EMSY: variants seen among roughly 807,000 people sequenced by gnomAD.
EMSY encodes BRCA2-interacting transcriptional repressor EMSY.
A neutral mutation model predicts 134.6 loss-of-function variants in EMSY; 26 were observed. The observed-to-expected ratio is 0.19, with a 90% CI of 0.14 to 0.27. The LOEUF (loss-of-function observed/expected upper bound fraction) is 0.27. Ranked by LOEUF, EMSY falls within the 10% of genes least tolerant of loss-of-function variation. The probability of loss-of-function intolerance (pLI) is 1.00; values close to 1 mark genes in which losing one functional copy is unlikely to be tolerated. For missense variants in EMSY, 1,305 were observed against 1,611.4 expected (o/e 0.81, Z 3.26); for synonymous variants, 579 against 577.8 (o/e 1.00, Z -0.03).
At chr11:76,463,755 A>G (rs1056557536) in intron 6 of EMSY, 66 bp from the exon 8 acceptor site, 9 of 1,530,814 alleles carry the variant, frequency 5.9e-6, no homozygotes, top group Non-Finnish European at 8.0e-6. Context: ...TAAAGATTTT[A>G]AAAATAAAGT....
chr11:76,481,331 C>G (rs900183688), intron 8 of EMSY, among the ~76,000 whole-genome samples: 1 of 152,178 alleles, frequency 6.6e-6, no homozygotes, highest in East Asian at 1.9e-4. Flanking sequence ...GCATGAGCCA[C>G]CACGCCCGGC....
intron 20 of EMSY, 112 bp from the exon 22 acceptor site, chr11:76,549,832 TAGTTGTCC>T: frequency 2.5e-6 from 2 of 809,720 alleles, no homozygotes; most frequent in Non-Finnish European, 3.8e-6. Context: ...TGGCATGTAG[TAGTTGTCC>T]AGTTGTCCAA....
chr11:76,466,278 A>G (rs1394341939), intron 7 of EMSY, among the ~76,000 whole-genome samples: 1 of 152,166 alleles, frequency 6.6e-6, no homozygotes, highest in Non-Finnish European at 1.5e-5. Context: ...TCCCCACTTC[A>G]GAAGTATCTG....
In EMSY at chr11:76,480,023, A is replaced by T. The variant is rs549227181; in HGVS notation, c.1108+7183A>T. 2.0e-5 allele frequency among the ~76,000 whole-genome samples: 3 copies of T among 152,346 alleles called. No homozygotes were observed. The East Asian group carries it at 5.8e-4, about 29-fold the overall frequency. On this transcript the variant is annotated intron_variant, in intron 8 of 20. Transcript: ENST00000334736. ...GAGACACGACATTACAGTTTTAAAA[A>T]TTTGTGGTGATAAAGCATTTGTTGA...
intron 13 of EMSY, 50 bp from the exon 15 acceptor site, chr11:76,528,218 T>A (rs1950912471): frequency 1.3e-6 from 2 of 1,511,096 alleles, no homozygotes; most frequent in South Asian, 2.3e-5. Flanking sequence ...TTAGCATTTT[T>A]AAATCGTTTT....
chr11:76,511,535 T>G (rs1332513093), intron 9 of EMSY, among the ~76,000 whole-genome samples: 1 of 151,930 alleles, frequency 6.6e-6, no homozygotes, highest in East Asian at 1.9e-4. Context: ...CTGTCTCTGC[T>G]AAAAATACAA....
At chr11:76,449,781 A>G (rs982189310) in intron 2 of EMSY, among the ~76,000 whole-genome samples, 2 of 152,204 alleles carry the variant, frequency 1.3e-5, no homozygotes, top group African/African-American at 2.4e-5. Context: ...TAAAATCTTT[A>G]AAATAGTTAT....
At chr11:76,457,243 AAGTT>A (rs1384951218) in intron 4 of EMSY, among the ~76,000 whole-genome samples, 1 of 152,202 alleles carries the variant, frequency 6.6e-6, no homozygotes, top group Non-Finnish European at 1.5e-5. Context: ...CTTAAACTCT[AAGTT>A]AGTTTGAAGA....
intron 5 of EMSY, chr11:76,458,641 G>A: frequency 4.2e-6 from 1 of 237,344 alleles, no homozygotes; most frequent in Non-Finnish European, 8.1e-6. Context: ...ATGAATAGAA[G>A]GCCTTAATGG....
intron 8 of EMSY, among the ~76,000 whole-genome samples, chr11:76,482,758 G>A (rs1382425833): frequency 6.6e-6 from 1 of 152,160 alleles, no homozygotes; most frequent in Non-Finnish European, 1.5e-5. Context: ...TATGTGAAAA[G>A]ACCAAACCTG....
intron 8 of EMSY, among the ~76,000 whole-genome samples, chr11:76,481,580 T>G (rs1948982533): frequency 6.6e-6 from 1 of 152,190 alleles, no homozygotes; most frequent in South Asian, 2.1e-4. Flanking sequence ...CCACCATTAC[T>G]TAGGCTTGAG....
Position 76,455,543 on chromosome 11 carries a change from T to C in EMSY, c.245+2155T>C, listed in dbSNP as rs76183461. The stretch of plus-strand genomic sequence containing the variant: ...TGCGCCTGAACTGACTGCATTCCCT[T>C]TCTCCTCCCCTCCCCTCCCCCCACT... On this transcript the variant is annotated intron_variant, in intron 4 of 20. Coordinates refer to ENST00000334736, the Ensembl canonical transcript of EMSY. Among the ~76,000 whole-genome samples the C allele has an allele frequency of 4.6e-5, 7 of 152,158 alleles. No individual in the cohort carries two copies. In the East Asian group the frequency reaches 1.4e-3, roughly 29 times the overall value.
chr11:76,509,120 A>C (rs559253960), intron 9 of EMSY, among the ~76,000 whole-genome samples: 1 of 152,322 alleles, frequency 6.6e-6, no homozygotes, highest in East Asian at 1.9e-4. Flanking sequence ...ATAAAAAAAA[A>C]CTTTGAATTA....
chr11:76,484,852 T>G (rs1197586800), intron 8 of EMSY, among the ~76,000 whole-genome samples: 1 of 151,324 alleles, frequency 6.6e-6, no homozygotes, highest in Non-Finnish European at 1.5e-5. Flanking sequence ...GAGAATTGCT[T>G]GAACCTGGGA....
exon 21 of EMSY, chr11:76,550,692 G>A (rs1951812464): frequency 6.6e-6 from 1 of 152,348 alleles, no homozygotes; most frequent in African/African-American, 2.4e-5. Context: ...TTGGATGGTA[G>A]AAATCAGATC....
At position 76,546,029 on chromosome 11, in the gene EMSY, A is replaced by AT; in HGVS notation, c.3507dup (p.Pro1170SerfsTer9). The AT allele has an allele frequency of 6.2e-7, 1 of 1,614,202 alleles. No individual in the cohort carries two copies. Among genetic ancestry groups the AT allele is most frequent in the Non-Finnish European group, 8.5e-7 (1 of 1,180,012 alleles). Reference sequence around the variant, plus strand: ...ACAAATGTAGAACATATGATAGTGGATCCCCCAAAGAAGGCTCTTGCCACT... The same window carrying AT: ...ACAAATGTAGAACATATGATAGTGGATTCCCCCAAAGAAGGCTCTTGCCACT... On this transcript the variant is annotated frameshift_variant, in exon 20 of 21. Coordinates refer to ENST00000334736, the Ensembl canonical transcript of EMSY. LOFTEE classifies it high-confidence loss of function.
At chr11:76,511,098 G>T (rs1950260716) in intron 9 of EMSY, among the ~76,000 whole-genome samples, 1 of 145,846 alleles carries the variant, frequency 6.9e-6, no homozygotes, top group African/African-American at 2.5e-5. Flanking sequence ...ATTTGGAATG[G>T]CTTTAAGTAC....
chr11:76,510,740 G>C (rs1950245175), intron 9 of EMSY, among the ~76,000 whole-genome samples: 1 of 152,198 alleles, frequency 6.6e-6, no homozygotes, highest in Non-Finnish European at 1.5e-5. Flanking sequence ...GTAGGTAGCT[G>C]AGTGCAGGAT....
intron 14 of EMSY, 149 bp downstream of exon 15, chr11:76,528,615 T>C: frequency 1.8e-6 from 1 of 570,550 alleles, no homozygotes; most frequent in Non-Finnish European, 2.9e-6. Context: ...TTGTTTGATG[T>C]TAAATCGGTG....
Sources: allele counts gnomAD v4.1 joint callset (sites outside exome capture counted in the v4.1 genomes callset), GRCh38; gene constraint gnomAD v4.1.1; transcripts MANE v1.5; gene names NCBI Gene and HGNC (gene_info 2026-07-23, HGNC 2026-07-21).